The following ZNF132 variants were observed in gnomAD, a reference collection of about 807,000 sequenced individuals.
ZNF132 encodes zinc finger protein 132, also known as zinc finger protein 132 (clone pHZ-12).
ZNF132 carries 6 observed loss-of-function variants against 9.3 expected under a neutral mutation model. The observed-to-expected ratio is 0.65, with a 90% CI of 0.35 to 1.28. ZNF132 has a LOEUF of 1.28. Among genes scored for constraint, ZNF132 ranks in the 50% most tolerant of loss-of-function variants. ZNF132 has a pLI of 0.03. For missense variants in ZNF132, 877 were observed against 843.2 expected, an observed-to-expected ratio of 1.04 and a Z score of -0.50; for synonymous variants, 296 against 292.0, an observed-to-expected ratio of 1.01 and a Z score of -0.14.
chr19:58,439,674 G>T lies in ZNF132; in HGVS notation c.63+85C>A, dbSNP rs2052791195. 3.6e-6 allele frequency: 5 copies of T among 1,394,234 alleles called. No homozygotes were observed. The African/African-American group carries it at 7.5e-5, about 21-fold the overall frequency. 86.4% of individuals were successfully genotyped at this position (1,394,234 alleles called of 1,614,324 possible). A position where few individuals can be genotyped will look rare whatever the true frequency, so the allele number is the denominator to read the frequency against. On this transcript the variant is annotated intron_variant, in intron 1 of 2. Transcript: ENST00000254166. Reference sequence around the variant, plus strand: ...GACAGGACACGATCAAGAGTCCCAGGACACCAACATCCCCTCTATCTGGGC... The same window carrying T: ...GACAGGACACGATCAAGAGTCCCAGTACACCAACATCCCCTCTATCTGGGC...
chr19:58,439,610 A>G (rs915726857), intron 1 of ZNF132, 149 bp downstream of exon 1: 9 of 741,350 alleles, frequency 1.2e-5, no homozygotes, highest in African/African-American at 1.9e-5. Context: ...TGGTAAGGGT[A>G]AGTGACTCCC....
At position 58,437,186 on chromosome 19, in the gene ZNF132, G is replaced by A. The variant is rs1280123010; in HGVS notation, c.93C>T (p.Val31=). The A allele has an allele frequency of 3.7e-6, 6 of 1,610,162 alleles. No homozygotes were observed. The South Asian group carries it at 6.6e-5, about 18-fold the overall frequency. The change falls in exon 2 of 3, where the codon GTC becomes GTT. Residue 31 remains valine (V), a synonymous_variant. Coordinates refer to ENST00000254166, the MANE Select transcript of ZNF132 (RefSeq NM_003433.4). ...AGGTTACCATGCTCTTCAATGTGGG[G>A]ACAGCTGAGCCACAGGGCCAAGAAG... is the stretch of plus-strand genomic sequence containing the variant. ...QHTSWPCGSA[V]PTLKSMVTFE... is the part of the protein sequence containing the mutation.
At position 58,433,742 on chromosome 19, in the gene ZNF132, C is replaced by G; in HGVS notation, c.1702G>C (p.Glu568Gln). The G allele has an allele frequency of 6.2e-7, 1 of 1,614,020 alleles. No individual in the cohort carries two copies. The highest frequency in any genetic ancestry group is 8.5e-7 in the Non-Finnish European group (1 of 1,179,920). The change falls in exon 3 of 3, where the codon GAA becomes CAA. Residue 568 changes from glutamate to glutamine, a missense_variant. Transcript: ENST00000254166. ...LIEHWRVHTKERPYECNECGK... is the reference protein window; with the variant it reads ...LIEHWRVHTKQRPYECNECGK... ...CATTCATTGCACTCATAAGGCCTTT[C>G]TTTTGTGTGAACTCTCCAGTGTTCA...
At position 58,434,887 on chromosome 19, in the gene ZNF132, T is replaced by G; in HGVS notation, c.557A>C (p.His186Pro). 1 of 1,614,208 alleles carries G rather than the reference T, an allele frequency of 6.2e-7. No homozygotes were observed. The highest frequency in any genetic ancestry group is 8.5e-7 in the Non-Finnish European group (1 of 1,180,032). ...RDALMKSSKV[H>P]LSENPFTCRE... ...GCAAGTGAAGGGGTTCTCTGACAGG[T>G]GGACTTTAGAGCTCTTCATAAGTGC... Residue 186 changes from histidine to proline, a missense_variant, in exon 3 of 3, where the codon CAC becomes CCC. Transcript: ENST00000254166.
At chr19:58,438,212 C>G (rs1005050) in intron 1 of ZNF132, among the ~76,000 whole-genome samples, 2 of 152,090 alleles carry the variant, frequency 1.3e-5, no homozygotes, top group Non-Finnish European at 2.9e-5. Flanking sequence ...TAGACCTACT[C>G]TCTGCTCAGG....
rs771539921 is a variant in ZNF132 at position 58,434,223 on chromosome 19, T to C, written c.1221A>G (p.Gln407=). The change falls in exon 3 of 3, where the codon CAA becomes CAG. Residue 407 remains glutamine (Q), a synonymous_variant. Coordinates refer to ENST00000254166, the MANE Select transcript of ZNF132 (RefSeq NM_003433.4). ...HTQVRPYECS[Q]CGKSFSRSSA... is the part of the protein sequence containing the mutation. ...AGCTTCGGCTGAAGGATTTACCACA[T>C]TGACTGCACTCATAAGGTCTTACCT... The C allele has an allele frequency of 7.4e-6, 12 of 1,613,846 alleles. No individual in the cohort carries two copies. Among genetic ancestry groups the C allele is most frequent in the Middle Eastern group, 3.3e-4 (2 of 6,084 alleles).
rs1366328381 is a variant in ZNF132 at position 58,434,817 on chromosome 19, C to T, written c.627G>A (p.Gln209=). Residue 209 remains glutamine, a synonymous_variant, in exon 3 of 3, where the codon CAG becomes CAA. Coordinates refer to ENST00000254166, the MANE Select transcript of ZNF132 (RefSeq NM_003433.4). ...KVILGSCDLL[Q]LQAVDSGQKP... Reference sequence around the variant, plus strand: ...TCTGCCCACTGTCAACAGCTTGAAGCTGGAGGAGGTCACAGCTGCCCAGGA... The same window carrying T: ...TCTGCCCACTGTCAACAGCTTGAAGTTGGAGGAGGTCACAGCTGCCCAGGA... 1.2e-6 allele frequency: 2 copies of T among 1,614,212 alleles called. No homozygotes were observed. Among genetic ancestry groups the T allele is most frequent in the Non-Finnish European group, 1.7e-6 (2 of 1,180,040 alleles).
intron 2 of ZNF132, 67 bp downstream of exon 2, chr19:58,436,980 A>C: frequency 1.2e-6 from 2 of 1,609,786 alleles, no homozygotes; most frequent in Non-Finnish European, 1.7e-6. Flanking sequence ...TGGGATGAAC[A>C]GAGCTTTCTA....
At position 58,434,368 on chromosome 19, in the gene ZNF132, C is replaced by T; in HGVS notation, c.1076G>A (p.Arg359Lys). The T allele has an allele frequency of 6.2e-7, 1 of 1,614,248 alleles. No homozygotes were observed. The highest frequency in any genetic ancestry group is 8.5e-7 in the Non-Finnish European group (1 of 1,180,040). Residue 359 changes from arginine to lysine, a missense_variant, in exon 3 of 3, where the codon AGA (arginine) becomes AAA (lysine). By Grantham distance (26) the Arg-to-Lys change is conservative. Transcript: ENST00000254166. ...CDECGKAFSNRSHLIRHEKVH... is the reference protein window; with the variant it reads ...CDECGKAFSNKSHLIRHEKVH... ...TTTCTCATGCCGAATGAGGTGTGAT[C>T]TGTTACTGAAGGCTTTCCCACATTC...
intron 1 of ZNF132, chr19:58,437,803 A>G (rs1232460036): frequency 1.0e-6 from 1 of 985,422 alleles, no homozygotes; most frequent in Non-Finnish European, 1.2e-6. Context: ...AGAGGCAGTC[A>G]TAGCCCCTCA....
intron 2 of ZNF132, chr19:58,435,425 A>T: frequency 1.8e-6 from 1 of 543,286 alleles, no homozygotes; most frequent in Non-Finnish European, 3.2e-6. Flanking sequence ...CACCAGGGGT[A>T]AGGACACAGA....
intron 2 of ZNF132, 37 bp from the exon 3 acceptor site, chr19:58,435,248 A>G: frequency 6.3e-7 from 1 of 1,580,432 alleles, no homozygotes; most frequent in Non-Finnish European, 8.6e-7. Context: ...TAAGAATTCC[A>G]CTTGGTGGGA....
rs763259968 is a variant in ZNF132, at chr19:58,437,099, C to T, written c.180G>A (p.Arg60=). ...EEWELLDAAQ[R]HLYHSVMLEN... ...CCAGCATCACACTGTGGTACAGGTG[C>T]CTCTGGGCTGCATCAAGGAGCTCCC... is the stretch of plus-strand genomic sequence containing the variant. Residue 60 remains arginine (R), a synonymous_variant, in exon 2 of 3, where the codon AGG becomes AGA. Coordinates refer to ENST00000254166, the MANE Select transcript of ZNF132 (RefSeq NM_003433.4). The T allele has an allele frequency of 1.2e-6, 2 of 1,613,998 alleles. No homozygotes were observed. Among genetic ancestry groups the T allele is most frequent in the Non-Finnish European group, 1.7e-6 (2 of 1,180,032 alleles).
rs1301146590 is a variant in ZNF132, at chr19:58,433,297, C to T, written c.*26G>A. ...TTTGACTTGGCTGAAGATTTTCTCA[C>T]AAAGACCACTTCCATAAGGCTCCAC... On this transcript the variant is annotated 3_prime_UTR_variant, in exon 3 of 3. Transcript: ENST00000254166. 1.3e-6 allele frequency: 2 copies of T among 1,581,374 alleles called. No individual in the cohort carries two copies. The highest frequency in any genetic ancestry group is 2.7e-5 in the African/African-American group (2 of 73,762).
At chr19:58,437,874 A>G in intron 1 of ZNF132, 2 of 827,146 alleles carry the variant, frequency 2.4e-6, no homozygotes, top group Non-Finnish European at 2.9e-6. Context: ...AACCATAAGC[A>G]GATCTCAAAT....
In ZNF132 at chr19:58,434,627, A is replaced by G. The variant is rs1490547914; in HGVS notation, c.817T>C (p.Leu273=). 1.2e-6 allele frequency: 2 copies of G among 1,614,236 alleles called. No homozygotes were observed. The highest frequency in any genetic ancestry group is 2.2e-5 in the South Asian group (2 of 91,090). ...TTACCAAGGATTGATTTCTCCTCTA[A>G]GAAATTTCCACCTGTTGGGCATGTA... ...PFTCPTGGNF[L]EEKSILGNKK... The change falls in exon 3 of 3, where the codon TTA becomes CTA. Residue 273 remains leucine, a synonymous_variant. Coordinates refer to ENST00000254166, the MANE Select transcript of ZNF132 (RefSeq NM_003433.4).
chr19:58,439,563 G>T (rs2052790502), intron 1 of ZNF132, among the ~76,000 whole-genome samples, 196 bp downstream of exon 1: 1 of 152,204 alleles, frequency 6.6e-6, no homozygotes, highest in Admixed American at 6.5e-5. Flanking sequence ...TCCAGAAATG[G>T]GAATCCCTCG....
intron 1 of ZNF132, among the ~76,000 whole-genome samples, chr19:58,439,186 T>G (rs976774399): frequency 2.6e-5 from 4 of 152,184 alleles, no homozygotes; most frequent in African/African-American, 9.6e-5. Flanking sequence ...CGGGCACCCC[T>G]CTGTCCAGCT....
chr19:58,439,072 C>T (rs1599969036), intron 1 of ZNF132, among the ~76,000 whole-genome samples: 1 of 152,212 alleles, frequency 6.6e-6, no homozygotes, highest in Non-Finnish European at 1.5e-5. Flanking sequence ...CTGCACTCAG[C>T]CTTAGGTCAA....
Sources: gnomAD v4.1 joint callset for allele counts (sites outside exome capture counted in the v4.1 genomes callset) on GRCh38, gnomAD v4.1.1 for gene constraint, MANE v1.5 for transcripts, NCBI Gene and HGNC (gene_info 2026-07-23, HGNC 2026-07-21) for gene names.